The following ADAMTS3 variants were observed in gnomAD, a reference collection of about 807,000 sequenced individuals.
ADAMTS3 encodes the protein A disintegrin and metalloproteinase with thrombospondin motifs 3.
ADAMTS3 carries 73 observed loss-of-function variants against 129.0 expected under a neutral mutation model. That is an observed-to-expected ratio of 0.57 (90% confidence interval 0.47 to 0.69). ADAMTS3 has a LOEUF of 0.69. ADAMTS3 is among the 30% of genes least tolerant of loss of function. The pLI, the probability that ADAMTS3 is intolerant of heterozygous loss-of-function variation, is 0.00. For synonymous variants in ADAMTS3, 477 were observed against 510.8 expected (o/e 0.93, Z 0.89); for missense variants, 1,457 against 1,514.5 (o/e 0.96, Z 0.63).
Position 72,288,842 on chromosome 4 carries a change from C to T in ADAMTS3, c.2958G>A (p.Thr986=), listed in dbSNP as rs200757940. The T allele has an allele frequency of 6.5e-5, 104 of 1,611,874 alleles. No homozygotes were observed. Among genetic ancestry groups the T allele is most frequent in the Middle Eastern group, 3.3e-4 (2 of 6,050 alleles). ...SECSVTCGEG[T]EVRQVLCRAG... ...CCCTGCAGAGGACCTGCCTCACCTC[C>T]GTTCCTTCACCGCAGGTCACTGAAC... The change falls in exon 21 of 22, where the codon ACG becomes ACA. Residue 986 remains threonine (T), a synonymous_variant. Transcript: ENST00000286657.
intron 3 of ADAMTS3, among the ~76,000 whole-genome samples, chr4:72,415,825 T>C (rs999781349): frequency 1.3e-5 from 2 of 152,226 alleles, no homozygotes; most frequent in South Asian, 4.1e-4. Flanking sequence ...AGTCAAGTAG[T>C]TGTGGCTCGT....
chr4:72,506,348 G>T (rs1210041029), intron 3 of ADAMTS3, among the ~76,000 whole-genome samples: 3 of 152,176 alleles, frequency 2.0e-5, no homozygotes, highest in African/African-American at 7.2e-5. Flanking sequence ...AGGTTGTCAA[G>T]CTGGCCCTGG....
Position 72,282,818 on chromosome 4 carries a change from A to C in ADAMTS3, c.*318T>G, listed in dbSNP as rs1215696517. 5.4e-6 allele frequency: 1 copy of C among 183,960 alleles called. No homozygotes were observed. Among genetic ancestry groups the C allele is most frequent in the African/African-American group, 2.3e-5 (1 of 42,726 alleles). The allele number at this position is 183,960 out of a possible 1,614,324, so 11.4% of individuals were successfully genotyped here. A position where few individuals can be genotyped will look rare whatever the true frequency, so the allele number is the denominator to read the frequency against. On this transcript the variant is annotated 3_prime_UTR_variant, in exon 22 of 22. Transcript: ENST00000286657. ...TACTGTAACTTTTCTAAAACAAACA[A>C]AAAGTCAGCTGATATGCACAATTGG...
chr4:72,317,757 G>A (rs906855969), intron 10 of ADAMTS3, among the ~76,000 whole-genome samples: 7 of 152,176 alleles, frequency 4.6e-5, no homozygotes, highest in African/African-American at 1.7e-4. Flanking sequence ...GCTGGGCACA[G>A]TGGCTCACGC....
chr4:72,528,054 C>T (rs900631023), intron 3 of ADAMTS3, among the ~76,000 whole-genome samples: 1 of 152,094 alleles, frequency 6.6e-6, no homozygotes, highest in African/African-American at 2.4e-5. Context: ...AGAAACAGGA[C>T]ATTAAACAAG....
intron 3 of ADAMTS3, among the ~76,000 whole-genome samples, chr4:72,456,648 C>T (rs1256012318): frequency 6.6e-6 from 1 of 151,192 alleles, no homozygotes; most frequent in African/African-American, 2.4e-5. Context: ...CTCACATAGG[C>T]ACCCACTAAT....
chr4:72,565,674 A>T (rs747492401), intron 2 of ADAMTS3, among the ~76,000 whole-genome samples: 1 of 152,250 alleles, frequency 6.6e-6, no homozygotes, highest in Non-Finnish European at 1.5e-5. Context: ...GTAAATCTTC[A>T]GCACTACACC....
intron 3 of ADAMTS3, among the ~76,000 whole-genome samples, chr4:72,455,849 A>G (rs1451266321): frequency 8.0e-6 from 1 of 124,938 alleles, no homozygotes. Flanking sequence ...TATACTATAT[A>G]TTTTATATAT....
intron 3 of ADAMTS3, among the ~76,000 whole-genome samples, chr4:72,499,557 A>G (rs557197464): frequency 3.9e-5 from 6 of 152,198 alleles, no homozygotes; most frequent in African/African-American, 1.2e-4. Flanking sequence ...TGTACTTGCC[A>G]TATGTTGCAC....
chr4:72,376,820 G>C (rs1038901169), intron 4 of ADAMTS3, among the ~76,000 whole-genome samples: 3 of 152,070 alleles, frequency 2.0e-5, no homozygotes, highest in African/African-American at 7.2e-5. Flanking sequence ...TATTTGTCTT[G>C]TATTTCACTG....
chr4:72,398,108 G>A (rs2109902262), intron 4 of ADAMTS3, among the ~76,000 whole-genome samples: 1 of 152,284 alleles, frequency 6.6e-6, no homozygotes, highest in East Asian at 1.9e-4. Context: ...AATAAGTCCT[G>A]AGAACAACAA....
At chr4:72,548,396 C>A in intron 3 of ADAMTS3, 82 bp downstream of exon 3, 1 of 1,417,482 alleles carries the variant, frequency 7.1e-7, no homozygotes, top group Non-Finnish European at 9.6e-7. Flanking sequence ...CTCCTTTCCA[C>A]CTCCACCTTC....
intron 4 of ADAMTS3, among the ~76,000 whole-genome samples, chr4:72,357,422 AC>A (rs1720608108): frequency 1.3e-5 from 2 of 152,076 alleles, no homozygotes; most frequent in African/African-American, 4.8e-5. Flanking sequence ...TAGACAACCA[AC>A]TAGCACGAAG....
intron 5 of ADAMTS3, among the ~76,000 whole-genome samples, chr4:72,326,148 C>G (rs1283488128): frequency 1.3e-5 from 2 of 152,100 alleles, no homozygotes; most frequent in Non-Finnish European, 2.9e-5. Context: ...AGTCAGCACA[C>G]ATTTTGAGAT....
chr4:72,496,800 C>T (rs532645320), intron 3 of ADAMTS3, among the ~76,000 whole-genome samples: 2 of 151,994 alleles, frequency 1.3e-5, no homozygotes, highest in African/African-American at 4.8e-5. Context: ...ACACCTGTCT[C>T]CTGTTTGCTT....
rs547701385 is a variant in ADAMTS3 at position 72,305,649 on chromosome 4, G to T, written c.2260+338C>A. 5.1e-4 allele frequency among the ~76,000 whole-genome samples: 77 copies of T among 151,814 alleles called. 2 individuals are homozygous for T. The South Asian group carries it at 0.016, about 32-fold the overall frequency. ...TGTTTCTTGTTTTAAAGTAAGCATA[G>T]TTGGGAGAAATGACCAAAAAAAACC... On this transcript the variant is annotated intron_variant, in intron 16 of 21. Coordinates refer to ENST00000286657, the MANE Select transcript of ADAMTS3 (RefSeq NM_014243.3).
At chr4:72,464,688 G>C (rs1469730646) in intron 3 of ADAMTS3, among the ~76,000 whole-genome samples, 1 of 151,946 alleles carries the variant, frequency 6.6e-6, no homozygotes, top group Non-Finnish European at 1.5e-5. Context: ...CAACAACTAA[G>C]AATAAAAACT....
intron 4 of ADAMTS3, among the ~76,000 whole-genome samples, chr4:72,391,065 G>A (rs143100598): frequency 1.3e-3 from 195 of 152,144 alleles, no homozygotes; most frequent in Middle Eastern, 3.4e-3. Flanking sequence ...TTGCACATTG[G>A]TCCACATCTG....
chr4:72,414,302 A>G (rs560572510), intron 4 of ADAMTS3, among the ~76,000 whole-genome samples: 3 of 152,054 alleles, frequency 2.0e-5, no homozygotes, highest in East Asian at 3.9e-4. Flanking sequence ...GCCTAATTTG[A>G]AATAAAATTC....
Sources: allele counts gnomAD v4.1 joint callset (sites outside exome capture counted in the v4.1 genomes callset), GRCh38; gene constraint gnomAD v4.1.1; transcripts MANE v1.5; gene names NCBI Gene and HGNC (gene_info 2026-07-23, HGNC 2026-07-21).